The following DCDC2 variants were observed in gnomAD, a reference collection of about 807,000 sequenced individuals.
DCDC2 encodes doublecortin domain containing 2, also known as doublecortin domain-containing protein 2.
DCDC2 carries 40 observed loss-of-function variants against 50.2 expected under a neutral mutation model. The observed-to-expected ratio is 0.80, with a 90% CI of 0.62 to 1.04. The LOEUF (loss-of-function observed/expected upper bound fraction) is 1.04, where lower values mean the gene tolerates loss of function less well. DCDC2 is among the 50% of genes least tolerant of loss of function. The pLI, the probability that DCDC2 is intolerant of heterozygous loss-of-function variation, is 0.00. For synonymous variants in DCDC2, 234 were observed against 210.6 expected, an observed-to-expected ratio of 1.11 and a Z score of -0.96; for missense variants, 570 against 581.9, an observed-to-expected ratio of 0.98 and a Z score of 0.21.
At chr6:24,224,776 T>C (rs369192233) in intron 7 of DCDC2, among the ~76,000 whole-genome samples, 3 of 152,338 alleles carry the variant, frequency 2.0e-5, no homozygotes, top group East Asian at 3.9e-4. Flanking sequence ...TCCCACAGCA[T>C]GCTGGATCTG....
At chr6:24,228,389 G>C (rs1264804668) in intron 7 of DCDC2, among the ~76,000 whole-genome samples, 2 of 152,222 alleles carry the variant, frequency 1.3e-5, no homozygotes, top group Non-Finnish European at 2.9e-5. Context: ...GTAAAGTTAA[G>C]TCTAACGGTT....
At chr6:24,366,983 C>A in the DCDC2 span, among the ~76,000 whole-genome samples, 2 of 152,042 alleles carry the variant, frequency 1.3e-5, no homozygotes, top group Non-Finnish European at 2.9e-5. Flanking sequence ...CAGGTGTGCA[C>A]CACTACAACC....
At chr6:24,316,149 G>A (rs73726651) in intron 2 of DCDC2, among the ~76,000 whole-genome samples, 16,562 of 152,178 alleles carry the variant, frequency 0.11, 1,173 homozygotes, top group African/African-American at 0.2. Context: ...GAGACCTCCA[G>A]ATAGAGGTGC....
chr6:24,238,078 G>GTTTT (rs140189124), intron 7 of DCDC2, among the ~76,000 whole-genome samples: 3 of 55,908 alleles, frequency 5.4e-5, no homozygotes, highest in African/African-American at 1.8e-4. Flanking sequence ...AAAATAAAAG[G>GTTTT]TTTTTTTTTT....
chr6:24,246,479 CTTTTT>C (rs4052666), intron 7 of DCDC2, among the ~76,000 whole-genome samples: 837 of 70,742 alleles, frequency 0.012, 4 homozygotes, highest in African/African-American at 0.026. Flanking sequence ...TTTTCTTTTT[CTTTTT>C]TTTTTTTTTT....
intron 4 of DCDC2, among the ~76,000 whole-genome samples, chr6:24,294,934 T>G (rs1581637011): frequency 2.0e-5 from 3 of 152,006 alleles, no homozygotes; most frequent in Admixed American, 2.0e-4. Context: ...TCCAAAAAAT[T>G]GAGGAGGAGG....
At chr6:24,339,531 T>A (rs1319467096) in intron 2 of DCDC2, among the ~76,000 whole-genome samples, 2 of 152,194 alleles carry the variant, frequency 1.3e-5, no homozygotes, top group African/African-American at 4.8e-5. Context: ...ACTAGTGTCA[T>A]TCCCTTGGGG....
chr6:24,234,142 A>G (rs931181160), intron 7 of DCDC2, among the ~76,000 whole-genome samples: 2 of 152,156 alleles, frequency 1.3e-5, no homozygotes, highest in African/African-American at 4.8e-5. Flanking sequence ...GGGAAAGGTC[A>G]CACCTAAGCT....
chr6:24,187,532 A>T (rs1432533641), intron 8 of DCDC2, among the ~76,000 whole-genome samples: 3 of 152,232 alleles, frequency 2.0e-5, no homozygotes, highest in Non-Finnish European at 4.4e-5. Flanking sequence ...TGCAAAAAAA[A>T]TAGTGAACAT....
chr6:24,220,925 A>AGCGAGCGAGAGAGT (rs1345263843), intron 7 of DCDC2, among the ~76,000 whole-genome samples: 10 of 152,128 alleles, frequency 6.6e-5, no homozygotes, highest in East Asian at 1.9e-4. Context: ...CGAGCGAGCG[A>AGCGAGCGAGAGAGT]GAGCACATGC....
At chr6:24,295,392 C>T (rs1361714701) in intron 4 of DCDC2, among the ~76,000 whole-genome samples, 2 of 152,118 alleles carry the variant, frequency 1.3e-5, no homozygotes, top group Non-Finnish European at 2.9e-5. Flanking sequence ...GAAGCATTCC[C>T]CTTGAAAACC....
At chr6:24,218,070 A>G (rs932721199) in intron 7 of DCDC2, among the ~76,000 whole-genome samples, 15 of 48,706 alleles carry the variant, frequency 3.1e-4, no homozygotes, top group African/African-American at 1.1e-3. Flanking sequence ...TAAGATGATG[A>G]CCTAACACAA....
intron 8 of DCDC2, among the ~76,000 whole-genome samples, chr6:24,189,050 ATATT>A (rs1761261510): frequency 6.6e-6 from 1 of 152,194 alleles, no homozygotes; most frequent in South Asian, 2.1e-4. Flanking sequence ...ATTGCTCGTA[ATATT>A]TATTATTAGA....
chr6:24,283,065 A>T (rs1470338735), intron 6 of DCDC2, among the ~76,000 whole-genome samples: 1 of 152,226 alleles, frequency 6.6e-6, no homozygotes, highest in African/African-American at 2.4e-5. Context: ...TAAGGACAAC[A>T]AAAGATCATT....
At chr6:24,211,414 C>G (rs1761867080) in intron 7 of DCDC2, among the ~76,000 whole-genome samples, 1 of 152,112 alleles carries the variant, frequency 6.6e-6, no homozygotes, top group Non-Finnish European at 1.5e-5. Flanking sequence ...TAATGCCCCC[C>G]ACCCCCAAGA....
At chr6:24,232,673 A>T (rs1581601237) in intron 7 of DCDC2, among the ~76,000 whole-genome samples, 1 of 152,232 alleles carries the variant, frequency 6.6e-6, no homozygotes, top group African/African-American at 2.4e-5. Context: ...GATAGACAAA[A>T]TATTATTTTG....
chr6:24,303,056 C>T (rs1026316150), intron 2 of DCDC2, among the ~76,000 whole-genome samples: 4 of 151,804 alleles, frequency 2.6e-5, no homozygotes, highest in African/African-American at 9.7e-5. Flanking sequence ...GGAAGCTAAC[C>T]CCACATCTTG....
chr6:24,310,947 G>T (rs1203470593), intron 2 of DCDC2, among the ~76,000 whole-genome samples: 2 of 152,022 alleles, frequency 1.3e-5, no homozygotes. Context: ...CCAAGGCCAG[G>T]TCCTCACAAA....
intron 2 of DCDC2, among the ~76,000 whole-genome samples, chr6:24,305,542 A>G (rs933869002): frequency 5.3e-5 from 8 of 152,188 alleles, no homozygotes; most frequent in Non-Finnish European, 1.2e-4. Context: ...ACAACACACA[A>G]AAAAATTAAA....
Sources: gnomAD v4.1 joint callset for allele counts (sites outside exome capture counted in the v4.1 genomes callset) on GRCh38, gnomAD v4.1.1 for gene constraint, MANE v1.5 for transcripts, NCBI Gene and HGNC (gene_info 2026-07-23, HGNC 2026-07-21) for gene names.